The following RAPGEF4 variants were observed in gnomAD, a reference collection of about 807,000 sequenced individuals.
RAPGEF4 encodes the protein Rap guanine nucleotide exchange factor 4.
RAPGEF4 carries 66 observed loss-of-function variants against 147.9 expected under a neutral mutation model. That is an observed-to-expected ratio of 0.45 (90% CI 0.37 to 0.55). The LOEUF (loss-of-function observed/expected upper bound fraction) is 0.55, where lower values mean the gene tolerates loss of function less well. Among genes scored for constraint, RAPGEF4 ranks in the 20% least tolerant of loss-of-function variants. The probability of loss-of-function intolerance (pLI) is 0.00; values close to 1 mark genes in which losing one functional copy is unlikely to be tolerated. For missense variants in RAPGEF4, 1,071 were observed against 1,257.3 expected (o/e 0.85, Z 2.24); for synonymous variants, 419 against 442.7 (o/e 0.95, Z 0.67).
intron 15 of RAPGEF4, 114 bp downstream of exon 15, chr2:172,991,039 A>G: frequency 1.3e-6 from 1 of 755,406 alleles, no homozygotes; most frequent in Non-Finnish European, 2.2e-6. Flanking sequence ...AGTGTATGTG[A>G]CTTTTTTCCT....
chr2:173,027,160 T>C lies in RAPGEF4; in HGVS notation c.2459T>C (p.Phe820Ser). Residue 820 changes from phenylalanine (F) to serine (S), a missense_variant, in exon 25 of 31, where the codon TTT becomes TCT. Transcript: ENST00000397081. Reference protein sequence around the residue: ...TANLDLFLRRFNEIQFWVVTE... With the variant: ...TANLDLFLRRSNEIQFWVVTE... ...AACTTGGATTTGTTCCTGAGGAGATTTAATGAAATTCAGTTTTGGGTCGTC... is the reference window on the plus strand; with the variant it reads ...AACTTGGATTTGTTCCTGAGGAGATCTAATGAAATTCAGTTTTGGGTCGTC... The C allele has an allele frequency of 6.2e-7, 1 of 1,613,792 alleles. No individual in the cohort carries two copies.
At chr2:172,803,180 T>C (rs1687146564) in intron 3 of RAPGEF4, among the ~76,000 whole-genome samples, 1 of 152,222 alleles carries the variant, frequency 6.6e-6, no homozygotes. Flanking sequence ...CAGTAGGGAC[T>C]CTGTGTGGGG....
intron 4 of RAPGEF4, among the ~76,000 whole-genome samples, chr2:172,838,542 T>C (rs894707734): frequency 4.6e-5 from 7 of 152,188 alleles, no homozygotes; most frequent in Non-Finnish European, 8.8e-5. Context: ...AGAAAGTTAA[T>C]ATCTCAAATA....
chr2:172,911,935 A>T (rs1700136156), intron 4 of RAPGEF4, among the ~76,000 whole-genome samples: 1 of 151,170 alleles, frequency 6.6e-6, no homozygotes, highest in Non-Finnish European at 1.5e-5. Flanking sequence ...CCTGGCTAAT[A>T]TTTTAATTTG....
At chr2:172,838,997 C>T (rs574098574) in intron 4 of RAPGEF4, among the ~76,000 whole-genome samples, 1 of 152,242 alleles carries the variant, frequency 6.6e-6, no homozygotes, top group Non-Finnish European at 1.5e-5. Context: ...TCCCCATCAC[C>T]AAACAGGGAA....
intron 28 of RAPGEF4, among the ~76,000 whole-genome samples, 153 bp from the exon 29 acceptor site, chr2:173,036,475 A>G (rs185977601): frequency 2.2e-4 from 33 of 152,372 alleles, no homozygotes; most frequent in African/African-American, 7.7e-4. Context: ...GTGATTTAAA[A>G]AGTTAAACAC....
chr2:172,898,845 T>C (rs897336058), intron 4 of RAPGEF4, among the ~76,000 whole-genome samples: 1 of 152,144 alleles, frequency 6.6e-6, no homozygotes, highest in African/African-American at 2.4e-5. Flanking sequence ...GCCACGTGTT[T>C]AGGTGAGAAA....
intron 8 of RAPGEF4, among the ~76,000 whole-genome samples, chr2:172,963,257 A>T (rs914263688): frequency 1.3e-5 from 2 of 152,204 alleles, no homozygotes; most frequent in African/African-American, 4.8e-5. Context: ...GGGGACACAA[A>T]GCCAAACCAT....
chr2:172,843,389 G>A (rs724997), intron 4 of RAPGEF4, among the ~76,000 whole-genome samples: 4,383 of 152,310 alleles, frequency 0.029, 103 homozygotes, highest in East Asian at 0.11. Context: ...TGCACACTTG[G>A]ATAATTAGTG....
In RAPGEF4 at chr2:172,775,755, T is replaced by C. The variant is rs544605461; in HGVS notation, c.66-19270T>C. The stretch of plus-strand genomic sequence containing the variant: ...GTTTATAAAAAATTATAGATATTTT[T>C]TCTACTAGCTACCTCAGATTTATTT... On this transcript the variant is annotated intron_variant, in intron 1 of 30. Coordinates refer to ENST00000397081, the MANE Select transcript of RAPGEF4 (RefSeq NM_007023.4). 1.9e-4 allele frequency among the ~76,000 whole-genome samples: 29 copies of C among 152,332 alleles called. No individual in the cohort carries two copies. The South Asian group carries it at 5.8e-3, about 30-fold the overall frequency.
At chr2:172,827,841 A>G (rs771983882) in intron 4 of RAPGEF4, among the ~76,000 whole-genome samples, 1 of 152,156 alleles carries the variant, frequency 6.6e-6, no homozygotes, top group Non-Finnish European at 1.5e-5. Flanking sequence ...CAGGGGTTCA[A>G]ATCCCTCACT....
intron 6 of RAPGEF4, among the ~76,000 whole-genome samples, chr2:172,943,477 T>G (rs1398052649): frequency 2.0e-5 from 3 of 152,174 alleles, no homozygotes; most frequent in Non-Finnish European, 4.4e-5. Context: ...GTTGTTAGTA[T>G]TCAATAAGAT....
At chr2:172,917,357 C>A in intron 4 of RAPGEF4, 1 of 432,340 alleles carries the variant, frequency 2.3e-6, no homozygotes, top group Admixed American at 2.8e-5. Context: ...ACATTTTTCT[C>A]AAGATGCGTT....
At chr2:172,767,467 C>A (rs970757656) in intron 1 of RAPGEF4, among the ~76,000 whole-genome samples, 2 of 152,258 alleles carry the variant, frequency 1.3e-5, no homozygotes, top group East Asian at 3.9e-4. Context: ...GCATGAGGCA[C>A]TGAGCCCGGC....
intron 6 of RAPGEF4, among the ~76,000 whole-genome samples, chr2:172,956,472 CT>C (rs35815206): frequency 0.056 from 7,565 of 136,128 alleles, 190 homozygotes; most frequent in Admixed American, 0.076. Flanking sequence ...GTTTCTTTTT[CT>C]TTTTTTTTTT....
chr2:172,746,618 CT>C (rs569348166), intron 1 of RAPGEF4, among the ~76,000 whole-genome samples: 2,682 of 144,756 alleles, frequency 0.019, 43 homozygotes, highest in African/African-American at 0.048. Context: ...TTACTTTTTT[CT>C]TTTTTTTTTT....
chr2:172,974,858 G>A (rs570952912), intron 10 of RAPGEF4, among the ~76,000 whole-genome samples: 6 of 152,158 alleles, frequency 3.9e-5, no homozygotes, highest in African/African-American at 1.4e-4. Context: ...CTTTCCTGAG[G>A]GAGTTACATG....
chr2:172,833,389 T>C (rs1030808892), intron 4 of RAPGEF4, among the ~76,000 whole-genome samples: 12 of 152,046 alleles, frequency 7.9e-5, no homozygotes, highest in Admixed American at 2.0e-4. Context: ...TAAAATTTGA[T>C]AAATATTTTC....
intron 4 of RAPGEF4, among the ~76,000 whole-genome samples, chr2:172,910,132 G>A (rs148709292): frequency 2.0e-5 from 3 of 152,312 alleles, no homozygotes; most frequent in Admixed American, 6.5e-5. Context: ...AGCAAAGAGC[G>A]CTTCAGGCTT....
Sources: gnomAD v4.1 joint callset for allele counts (sites outside exome capture counted in the v4.1 genomes callset) on GRCh38, gnomAD v4.1.1 for gene constraint, MANE v1.5 for transcripts, NCBI Gene and HGNC (gene_info 2026-07-23, HGNC 2026-07-21) for gene names.